HEXB: variants seen among roughly 807,000 people sequenced by gnomAD.
HEXB encodes hexosaminidase subunit beta.
HEXB carries 51 observed loss-of-function variants against 71.2 expected under a neutral mutation model. That is an observed-to-expected ratio of 0.72 (90% CI 0.57 to 0.90). HEXB has a LOEUF of 0.90. Among genes scored for constraint, HEXB ranks in the 40% least tolerant of loss-of-function variants. The pLI is 0.00. For synonymous variants in HEXB, 266 were observed against 249.3 expected, an observed-to-expected ratio of 1.07 and a Z score of -0.63; for missense variants, 617 against 677.0, an observed-to-expected ratio of 0.91 and a Z score of 0.98.
intron 6 of HEXB, among the ~76,000 whole-genome samples, chr5:74,712,531 T>A (rs1389558179): frequency 6.6e-6 from 1 of 152,212 alleles, no homozygotes; most frequent in Non-Finnish European, 1.5e-5. Flanking sequence ...ACATTTGCAG[T>A]GGGATACAAA....
At chr5:74,699,117 G>A (rs1309652543) in intron 5 of HEXB, among the ~76,000 whole-genome samples, 1 of 152,110 alleles carries the variant, frequency 6.6e-6, no homozygotes, top group Non-Finnish European at 1.5e-5. Context: ...CTGGGAGAGG[G>A]AGGTTGGAGT....
intron 1 of HEXB, among the ~76,000 whole-genome samples, chr5:74,662,783 T>C (rs764786042): frequency 3.3e-5 from 5 of 152,212 alleles, no homozygotes; most frequent in Non-Finnish European, 7.3e-5. Context: ...TTTCCAGAAA[T>C]GTATTAACCA....
intron 1 of HEXB, among the ~76,000 whole-genome samples, chr5:74,667,376 G>C (rs968795606): frequency 6.6e-6 from 1 of 151,828 alleles, no homozygotes; most frequent in African/African-American, 2.4e-5. Flanking sequence ...CCGAAATCAC[G>C]CCATTGCACT....
intron 1 of HEXB, among the ~76,000 whole-genome samples, chr5:74,687,906 C>T (rs906660033): frequency 2.1e-4 from 32 of 152,166 alleles, no homozygotes; most frequent in African/African-American, 6.7e-4. Flanking sequence ...AAGCATAAGA[C>T]GTTCTTACAC....
intron 1 of HEXB, among the ~76,000 whole-genome samples, chr5:74,670,423 CTTCAATTGTCAGCCCAAT>C (rs1748511497): frequency 6.6e-6 from 1 of 152,078 alleles, no homozygotes; most frequent in Non-Finnish European, 1.5e-5. Flanking sequence ...CCTCCTCGCC[CTTCAATTGTCAGCCCAAT>C]TTCATTCTTC....
Position 74,716,646 on chromosome 5 carries a change from A to G in HEXB, c.1142A>G (p.Lys381Arg). 1 of 1,607,090 alleles carries G rather than the reference A, an allele frequency of 6.2e-7. No homozygotes were observed. The change falls in exon 9 of 14, where the codon AAG becomes AGG. Residue 381 changes from lysine (K) to arginine (R), a missense_variant. By Grantham distance (26) the Lys-to-Arg change is conservative. Transcript: ENST00000261416. ...CAAAAAGGCTTTGGCACAGATTTTA[A>G]GAAACTAGAATCTTTCTACATTCAA... ...MRQKGFGTDF[K>R]KLESFYIQKV...
intron 1 of HEXB, among the ~76,000 whole-genome samples, chr5:74,642,805 G>A (rs966867093): frequency 1.3e-5 from 2 of 152,134 alleles, no homozygotes; most frequent in African/African-American, 4.8e-5. Context: ...AAAGAACTTT[G>A]CTAAGCAGGC....
Position 74,713,196 on chromosome 5 carries a change from G to A in HEXB, c.772-310G>A, listed in dbSNP as rs16872211. Among the ~76,000 whole-genome samples, 4,359 of 152,192 alleles carry A rather than the reference G, an allele frequency of 0.029. 219 individuals carry two copies. Among genetic ancestry groups the A allele is most frequent in the African/African-American group, 0.1 (4,145 of 41,506 alleles). ...CAGATATTTCTACCAGTAAATCTGC[G>A]GTTAGCCCAAAGTATACTGAGAATT... On this transcript the variant is annotated intron_variant, in intron 6 of 13. Transcript: ENST00000261416.
At chr5:74,684,596 G>A (rs1580376393), upstream of HEXB, among the ~76,000 whole-genome samples, 2 of 152,156 alleles carry the variant, frequency 1.3e-5, no homozygotes, top group Admixed American at 6.5e-5. Context: ...GAGAGCGCCC[G>A]TGTTGACAGC....
At chr5:74,714,252 T>C (rs1749622361) in intron 7 of HEXB, among the ~76,000 whole-genome samples, 1 of 152,234 alleles carries the variant, frequency 6.6e-6, no homozygotes. Flanking sequence ...GTAATACTAT[T>C]GACAGATACA....
At chr5:74,669,143 G>A (rs904867796) in intron 1 of HEXB, among the ~76,000 whole-genome samples, 9 of 152,088 alleles carry the variant, frequency 5.9e-5, no homozygotes, top group Admixed American at 6.5e-5. Context: ...AATAGAAATG[G>A]GATTTCACCA....
chr5:74,702,012 TTAC>T (rs1208586060), intron 5 of HEXB, among the ~76,000 whole-genome samples: 1 of 151,660 alleles, frequency 6.6e-6, no homozygotes, highest in Non-Finnish European at 1.5e-5. Flanking sequence ...GGTGTTCCGT[TTAC>T]TTGTATGTCT....
intron 1 of HEXB, among the ~76,000 whole-genome samples, chr5:74,671,088 T>C (rs1440186565): frequency 1.3e-5 from 2 of 152,032 alleles, no homozygotes; most frequent in East Asian, 3.9e-4. Flanking sequence ...ATTATTGTTA[T>C]CCTCAAGGGA....
rs1749786983 is a variant in HEXB, at chr5:74,720,096, T to TA, written c.1418-326dup. On this transcript the variant is annotated intron_variant, in intron 11 of 13. Coordinates refer to ENST00000261416, the MANE Select transcript of HEXB (RefSeq NM_000521.4). ...ACTACTAAATAGGCAACCAGGGATT[T>TA]AAAAAATGGTTTCTGGTGTCCAGGT... The TA allele has an allele frequency of 9.1e-6, 3 of 331,158 alleles. No individual in the cohort carries two copies. In the Admixed American group the frequency reaches 1.3e-4, roughly 14 times the overall value. 20.5% of individuals were successfully genotyped at this position (331,158 alleles called of 1,614,324 possible). A position where few individuals can be genotyped will look rare whatever the true frequency, so the allele number is the denominator to read the frequency against.
At chr5:74,685,115 C>A, upstream of HEXB, 2 of 850,044 alleles carry the variant, frequency 2.4e-6, no homozygotes, top group Non-Finnish European at 3.3e-6. Flanking sequence ...GCTCCCGGGG[C>A]CTGGAGGCGG....
chr5:74,681,944 T>C (rs191565283), upstream of HEXB, among the ~76,000 whole-genome samples: 7 of 152,324 alleles, frequency 4.6e-5, no homozygotes, highest in Non-Finnish European at 7.3e-5. Flanking sequence ...CTTTCTCAGA[T>C]CATTTGGTTG....
intron 1 of HEXB, among the ~76,000 whole-genome samples, chr5:74,670,419 C>T (rs141253665): frequency 6.6e-4 from 100 of 152,208 alleles, no homozygotes; most frequent in East Asian, 2.3e-3. Flanking sequence ...CCACCCTCCT[C>T]GCCCTTCAAT....
chr5:74,673,166 G>A (rs1313547176), intron 1 of HEXB, among the ~76,000 whole-genome samples: 3 of 152,196 alleles, frequency 2.0e-5, no homozygotes, highest in African/African-American at 4.8e-5. Flanking sequence ...AGAGAAAGTT[G>A]TTTTTGTGGC....
chr5:74,708,992 T>C (rs1003984176), intron 6 of HEXB, among the ~76,000 whole-genome samples: 3 of 152,042 alleles, frequency 2.0e-5, no homozygotes, highest in Admixed American at 1.3e-4. Context: ...AAGATACATT[T>C]TTTTCAGCAC....
Sources: allele counts gnomAD v4.1 joint callset (sites outside exome capture counted in the v4.1 genomes callset), GRCh38; gene constraint gnomAD v4.1.1; transcripts MANE v1.5; gene names NCBI Gene and HGNC (gene_info 2026-07-23, HGNC 2026-07-21).